The following NMRAL1 variants were observed in gnomAD, a reference collection of about 807,000 sequenced individuals.
The protein encoded by NMRAL1 is NmrA like redox sensor 1.
A neutral mutation model predicts 27.5 loss-of-function variants in NMRAL1; 32 were observed. The observed-to-expected ratio is 1.16, with a 90% confidence interval of 0.88 to 1.56. The LOEUF is 1.56. NMRAL1 is among the 40% of genes most tolerant of loss of function. The probability of loss-of-function intolerance (pLI) is 0.00; values close to 1 mark genes in which losing one functional copy is unlikely to be tolerated. For synonymous variants in NMRAL1, 166 were observed against 166.8 expected (o/e 1.00, Z 0.04); for missense variants, 420 against 392.0 (o/e 1.07, Z -0.60).
At chr16:4,472,600 C>T (rs893906042) in intron 2 of NMRAL1, among the ~76,000 whole-genome samples, 1 of 151,912 alleles carries the variant, frequency 6.6e-6, no homozygotes, top group Admixed American at 6.6e-5. Flanking sequence ...AAAAATTAGC[C>T]AGGCATGGTG....
chr16:4,463,913 C>T, intron 4 of NMRAL1, 63 bp from the exon 5 acceptor site: 1 of 1,449,804 alleles, frequency 6.9e-7, no homozygotes, highest in Non-Finnish European at 9.5e-7. Flanking sequence ...GGACAGAGCC[C>T]CTCTCCAAAG....
Position 4,474,591 on chromosome 16 carries a change from G to A in NMRAL1, c.-72C>T, listed in dbSNP as rs964409561. 6.4e-6 allele frequency: 1 copy of A among 157,388 alleles called. No homozygotes were observed. The highest frequency in any genetic ancestry group is 1.8e-4 in the South Asian group (1 of 5,692). 9.7% of individuals were successfully genotyped at this position (157,388 alleles called of 1,614,324 possible). A position where few individuals can be genotyped will look rare whatever the true frequency, so the allele number is the denominator to read the frequency against. ...CGCTCACGGAAGCCCAGCGTCGGAG[G>A]ACCCCTGGCTGCAGCCGCCAATCCC... On this transcript the variant is annotated 5_prime_UTR_variant, in exon 1 of 6. Transcript: ENST00000283429.
upstream of NMRAL1, chr16:4,474,684 G>C (rs17137056): frequency 0.12 from 17,677 of 153,666 alleles, 2,146 homozygotes; most frequent in African/African-American, 0.3. Flanking sequence ...ACTCGGCGTC[G>C]TTTCCGGGTT....
intron 1 of NMRAL1, 185 bp downstream of exon 1, chr16:4,474,369 T>TC: frequency 2.1e-6 from 1 of 485,774 alleles, no homozygotes; most frequent in Non-Finnish European, 3.7e-6. Flanking sequence ...CCTTCCCGCC[T>TC]CCCCCGGTTC....
At chr16:4,473,310 T>C (rs566025505) in intron 2 of NMRAL1, among the ~76,000 whole-genome samples, 1 of 152,092 alleles carries the variant, frequency 6.6e-6, no homozygotes, top group Non-Finnish European at 1.5e-5. Context: ...CTAAAATTGA[T>C]TGTGGTGATG....
At position 4,461,765 on chromosome 16, in the gene NMRAL1, C is replaced by T. The variant is rs368378735; in HGVS notation, c.*15G>A. 33 of 1,599,172 alleles carry T rather than the reference C, an allele frequency of 2.1e-5. No homozygotes were observed. The South Asian group carries it at 2.6e-4, about 12-fold the overall frequency. On this transcript the variant is annotated 3_prime_UTR_variant, in exon 6 of 6. Transcript: ENST00000283429. ...GGTGCCCCCGATCCCCACAAGGGGC[C>T]GCGAGGCGGGCAGGTCACAGCAGGT...
chr16:4,466,431 G>C, intron 3 of NMRAL1, 29 bp from the exon 4 acceptor site: 1 of 1,603,296 alleles, frequency 6.2e-7, no homozygotes, highest in Non-Finnish European at 8.5e-7. Context: ...GAGATCACAA[G>C]GCTCAGAAGA....
chr16:4,474,311 T>C (rs2057736566), intron 1 of NMRAL1, 145 bp from the exon 2 acceptor site: 1 of 593,990 alleles, frequency 1.7e-6, no homozygotes, highest in African/African-American at 1.9e-5. Flanking sequence ...TCCCGAGATA[T>C]CGGGGTCCCG....
At chr16:4,475,419 T>C (rs1014454861), upstream of NMRAL1, among the ~76,000 whole-genome samples, 1 of 151,894 alleles carries the variant, frequency 6.6e-6, no homozygotes, top group African/African-American at 2.4e-5. Flanking sequence ...GTGATTCTCC[T>C]GCCTCAGTTT....
upstream of NMRAL1, among the ~76,000 whole-genome samples, chr16:4,475,371 G>C (rs1265476350): frequency 3.3e-5 from 5 of 149,822 alleles, no homozygotes; most frequent in Admixed American, 6.6e-5. Context: ...GTGGTGGTGC[G>C]ATCTTGGCTC....
At chr16:4,464,792 T>C (rs2057253577) in intron 4 of NMRAL1, among the ~76,000 whole-genome samples, 1 of 151,318 alleles carries the variant, frequency 6.6e-6, no homozygotes, top group African/African-American at 2.4e-5. Flanking sequence ...GTTTTTGTAT[T>C]TTTAGTAGAG....
rs151194098 is a variant in NMRAL1 at position 4,470,815 on chromosome 16, C to T, written c.41-1350G>A. ...ACAAAAACTTAGCCGGGCGTGGTGG[C>T]GGGCGCCTGTAGTCCCAGCTACTCG... On this transcript the variant is annotated intron_variant, in intron 2 of 5. Coordinates refer to ENST00000283429, the MANE Select transcript of NMRAL1 (RefSeq NM_020677.6). Among the ~76,000 whole-genome samples the T allele has an allele frequency of 1.0e-2, 1,513 of 151,994 alleles. 24 individuals carry two copies. The highest frequency in any genetic ancestry group is 0.033 in the African/African-American group (1,373 of 41,450).
chr16:4,467,944 G>C (rs1018790718), intron 3 of NMRAL1, among the ~76,000 whole-genome samples: 1 of 151,994 alleles, frequency 6.6e-6, no homozygotes, highest in African/African-American at 2.4e-5. Flanking sequence ...TAAGCCACGT[G>C]GATTGTGGTC....
At chr16:4,470,713 C>T (rs1380929705) in intron 2 of NMRAL1, among the ~76,000 whole-genome samples, 5 of 151,678 alleles carry the variant, frequency 3.3e-5, no homozygotes, top group African/African-American at 4.8e-5. Flanking sequence ...TTTGGGAGGC[C>T]GAGGCGGGCG....
chr16:4,467,854 A>G (rs1213085632), intron 3 of NMRAL1, among the ~76,000 whole-genome samples: 1 of 151,834 alleles, frequency 6.6e-6, no homozygotes, highest in African/African-American at 2.4e-5. Flanking sequence ...TCCTGACTTC[A>G]AGTGATCTGC....
chr16:4,463,724 T>C lies in NMRAL1; in HGVS notation c.656A>G (p.His219Arg). 1 of 1,614,060 alleles carries C rather than the reference T, an allele frequency of 6.2e-7. No individual in the cohort carries two copies. The highest frequency in any genetic ancestry group is 2.2e-5 in the East Asian group (1 of 44,884). The change falls in exon 5 of 6, where the codon CAC (histidine) becomes CGC (arginine). Residue 219 changes from histidine (H) to arginine (R), a missense_variant. His to Arg is a conservative substitution (Grantham distance 29). Coordinates refer to ENST00000283429, the MANE Select transcript of NMRAL1 (RefSeq NM_020677.6). Reference protein sequence around the residue: ...GQNIGLSTCRHTAEEYAALLT... With the variant: ...GQNIGLSTCRRTAEEYAALLT... ...CAGGGCAGCGTACTCCTCGGCCGTGTGCCTGCAAGTGCTCAGCCCGATGTT... is the reference window on the plus strand; with the variant it reads ...CAGGGCAGCGTACTCCTCGGCCGTGCGCCTGCAAGTGCTCAGCCCGATGTT...
intron 2 of NMRAL1, among the ~76,000 whole-genome samples, chr16:4,469,866 T>TAAA (rs776897364): frequency 1.0e-5 from 1 of 97,702 alleles, no homozygotes; most frequent in Admixed American, 1.0e-4. Flanking sequence ...GAATCTGTAT[T>TAAA]AAAAAAAAAA....
At chr16:4,464,598 TC>T (rs2057243821) in intron 4 of NMRAL1, among the ~76,000 whole-genome samples, 2 of 148,744 alleles carry the variant, frequency 1.3e-5, no homozygotes, top group Admixed American at 1.3e-4. Flanking sequence ...GCAGGAGATA[TC>T]CCTGACTGCA....
In NMRAL1 at chr16:4,467,605, G is replaced by T. The variant is rs118085935; in HGVS notation, c.280-1203C>A. On this transcript the variant is annotated intron_variant, in intron 3 of 5. Transcript: ENST00000283429. ...AACTTCTAGCTTCTAGAATATCAGAGAATCGATTTCTGTGGTTTTTGTTTT... is the reference window on the plus strand; with the variant it reads ...AACTTCTAGCTTCTAGAATATCAGATAATCGATTTCTGTGGTTTTTGTTTT... 1.4e-3 allele frequency among the ~76,000 whole-genome samples: 217 copies of T among 151,816 alleles called. No individual in the cohort carries two copies. The East Asian group carries it at 0.031, about 22-fold the overall frequency.
Sources: allele counts gnomAD v4.1 joint callset (sites outside exome capture counted in the v4.1 genomes callset), GRCh38; gene constraint gnomAD v4.1.1; transcripts MANE v1.5; gene names NCBI Gene and HGNC (gene_info 2026-07-23, HGNC 2026-07-21).